The following SMARCC1 variants were observed in gnomAD, a reference collection of about 807,000 sequenced individuals.
The protein encoded by SMARCC1 is SWI/SNF related BAF chromatin remodeling complex subunit C1, also known as SWI/SNF complex subunit SMARCC1.
A neutral mutation model predicts 147.4 loss-of-function variants in SMARCC1; 43 were observed. That is an observed-to-expected ratio of 0.29 (90% CI 0.23 to 0.38). The LOEUF (loss-of-function observed/expected upper bound fraction) is 0.38. Among genes scored for constraint, SMARCC1 ranks in the 10% least tolerant of loss-of-function variants. The probability of loss-of-function intolerance (pLI) is 1.00; values close to 1 mark genes in which losing one functional copy is unlikely to be tolerated. For missense variants in SMARCC1, 1,119 were observed against 1,381.1 expected (o/e 0.81, Z 3.01); for synonymous variants, 495 against 484.4 (o/e 1.02, Z -0.29).
intron 10 of SMARCC1, among the ~76,000 whole-genome samples, chr3:47,704,333 G>A (rs1247064063): frequency 6.6e-6 from 1 of 152,094 alleles, no homozygotes; most frequent in Non-Finnish European, 1.5e-5. Context: ...ATAACTCTAA[G>A]GAGAAATGTA....
chr3:47,768,136 A>G (rs1014289819), intron 2 of SMARCC1, among the ~76,000 whole-genome samples: 1 of 152,150 alleles, frequency 6.6e-6, no homozygotes, highest in Non-Finnish European at 1.5e-5. Context: ...CATGCCCAGC[A>G]TAAACTCTTA....
At chr3:47,662,788 G>C (rs2033364700) in intron 19 of SMARCC1, among the ~76,000 whole-genome samples, 196 bp from the exon 20 acceptor site, 1 of 151,936 alleles carries the variant, frequency 6.6e-6, no homozygotes, top group South Asian at 2.1e-4. Flanking sequence ...TGTAAAGAAA[G>C]TAGTCCAGGC....
At chr3:47,696,960 C>T (rs558988458) in intron 11 of SMARCC1, among the ~76,000 whole-genome samples, 1 of 152,252 alleles carries the variant, frequency 6.6e-6, no homozygotes, top group South Asian at 2.1e-4. Context: ...TCCTTGGTTT[C>T]CAGCAATCCT....
chr3:47,728,944 T>C lies in SMARCC1; in HGVS notation c.646+81A>G, dbSNP rs1026306123. The C allele has an allele frequency of 1.2e-5, 10 of 859,160 alleles. No homozygotes were observed. In the Admixed American group the frequency reaches 2.1e-4, roughly 18 times the overall value. The allele number at this position is 859,160 out of a possible 1,614,324, so 53.2% of individuals were successfully genotyped here. A position where few individuals can be genotyped will look rare whatever the true frequency, so the allele number is the denominator to read the frequency against. ...AACAAATAAAAAGCTGGTTATTCTG[T>C]TTAAGTCTTTGGGGGTATGACATAA... is the stretch of plus-strand genomic sequence containing the variant. On this transcript the variant is annotated intron_variant, in intron 6 of 27. Transcript: ENST00000254480.
At chr3:47,691,324 A>G (rs748703157) in intron 12 of SMARCC1, among the ~76,000 whole-genome samples, 9 of 152,190 alleles carry the variant, frequency 5.9e-5, no homozygotes, top group Non-Finnish European at 8.8e-5. Flanking sequence ...AGTTAAAACA[A>G]CAGCTCTGGT....
At chr3:47,660,514 T>A (rs374141281) in intron 21 of SMARCC1, among the ~76,000 whole-genome samples, 3 of 150,540 alleles carry the variant, frequency 2.0e-5, no homozygotes, top group East Asian at 3.9e-4. Context: ...TAAATATAAT[T>A]GGGTATATCC....
intron 2 of SMARCC1, among the ~76,000 whole-genome samples, chr3:47,770,750 C>T (rs1405748402): frequency 1.3e-5 from 2 of 151,970 alleles, no homozygotes; most frequent in East Asian, 3.9e-4. Flanking sequence ...TCCTTTATAA[C>T]CTAGGAATGA....
intron 3 of SMARCC1, among the ~76,000 whole-genome samples, chr3:47,740,430 C>T (rs1052009206): frequency 1.3e-5 from 2 of 151,644 alleles, no homozygotes; most frequent in African/African-American, 4.8e-5. Context: ...CTCCTGACCT[C>T]GAGATCCACC....
chr3:47,610,330 G>GT lies in SMARCC1; in HGVS notation c.2782-4dup. ...AACTGCTGCCTCTGTTGTTCTAGCT[G>GT]TAAGCAAAGGAAGTGGAAGAGAAAT... On this transcript the variant is annotated splice_polypyrimidine_tract_variant and splice_region_variant and intron_variant, in intron 25 of 27. Transcript: ENST00000254480. 1 of 1,614,100 alleles carries GT rather than the reference G, an allele frequency of 6.2e-7. No individual in the cohort carries two copies. Among genetic ancestry groups the GT allele is most frequent in the Non-Finnish European group, 8.5e-7 (1 of 1,179,958 alleles).
intron 21 of SMARCC1, among the ~76,000 whole-genome samples, chr3:47,659,439 C>G (rs1374582734): frequency 6.6e-6 from 1 of 151,328 alleles, no homozygotes; most frequent in African/African-American, 2.4e-5. Flanking sequence ...ACTAGCAAAC[C>G]AAATCTGATA....
chr3:47,606,114 C>T (rs936983443), intron 26 of SMARCC1, among the ~76,000 whole-genome samples: 12 of 151,996 alleles, frequency 7.9e-5, no homozygotes, highest in African/African-American at 2.9e-4. Flanking sequence ...AAAAAAACCT[C>T]TCATCATGCA....
Position 47,585,378 on chromosome 3 carries a change from C to T in SMARCC1, c.*2831G>A, listed in dbSNP as rs1450628657. 2.0e-5 allele frequency: 3 copies of T among 152,224 alleles called. No homozygotes were observed. The highest frequency in any genetic ancestry group is 2.9e-5 in the Non-Finnish European group (2 of 68,046). 9.4% of individuals were successfully genotyped at this position (152,224 alleles called of 1,614,324 possible). ...TGGCTTTGGCTCTCTTTATTAGAGG[C>T]ACACCTTCGTGAAGAGCAGGGCGTT... On this transcript the variant is annotated 3_prime_UTR_variant, in exon 28 of 28. Coordinates refer to ENST00000254480, the MANE Select transcript of SMARCC1 (RefSeq NM_003074.4).
chr3:47,683,453 A>C (rs1009894216), intron 14 of SMARCC1, among the ~76,000 whole-genome samples: 7 of 152,332 alleles, frequency 4.6e-5, no homozygotes, highest in Admixed American at 4.6e-4. Flanking sequence ...ATATTCTTTT[A>C]AATTGTCTCC....
At chr3:47,633,381 G>A (rs145372924) in intron 24 of SMARCC1, among the ~76,000 whole-genome samples, 3 of 151,986 alleles carry the variant, frequency 2.0e-5, no homozygotes, top group Non-Finnish European at 4.4e-5. Context: ...AAAATGAGCC[G>A]AGGTTGCAGG....
rs1375442316 is a variant in SMARCC1 at position 47,673,403 on chromosome 3, G to A, written c.1839+2072C>T. ...TCTGTCTCAAAAAAAAAAGGGTGGG[G>A]GGGGGGCAGGCCAGTGGCTCAGGCC... is the stretch of plus-strand genomic sequence containing the variant. On this transcript the variant is annotated intron_variant, in intron 18 of 27. Coordinates refer to ENST00000254480, the MANE Select transcript of SMARCC1 (RefSeq NM_003074.4). 7.5e-5 allele frequency among the ~76,000 whole-genome samples: 10 copies of A among 133,920 alleles called. 2 individuals are homozygous for A. Among genetic ancestry groups the A allele is most frequent in the Non-Finnish European group, 1.2e-4 (7 of 59,922 alleles). The allele number at this position is 133,920 out of a possible 152,430, so 87.9% of individuals were successfully genotyped here.
At chr3:47,736,264 G>C (rs982954655) in intron 4 of SMARCC1, 138 bp from the exon 5 acceptor site, 2 of 550,204 alleles carry the variant, frequency 3.6e-6, no homozygotes, top group African/African-American at 4.0e-5. Flanking sequence ...AAGAAATTCA[G>C]CAACTTTTTC....
At chr3:47,645,461 C>T (rs1426600846) in intron 21 of SMARCC1, among the ~76,000 whole-genome samples, 1 of 152,178 alleles carries the variant, frequency 6.6e-6, no homozygotes, top group Non-Finnish European at 1.5e-5. Context: ...AGGAGGATGG[C>T]TTGGGCCTAA....
chr3:47,772,966 T>G (rs375930874), intron 1 of SMARCC1, 30 bp from the exon 2 acceptor site: 3 of 1,600,610 alleles, frequency 1.9e-6, no homozygotes, highest in African/African-American at 1.3e-5. Flanking sequence ...ATTCAAAAAC[T>G]AGTACAATTT....
chr3:47,596,459 T>G (rs1396713203), intron 26 of SMARCC1, among the ~76,000 whole-genome samples: 2 of 151,526 alleles, frequency 1.3e-5, no homozygotes, highest in African/African-American at 2.4e-5. Context: ...TCCTAGCTAC[T>G]CGGGAGGCTG....
Sources: allele counts gnomAD v4.1 joint callset (sites outside exome capture counted in the v4.1 genomes callset), GRCh38; gene constraint gnomAD v4.1.1; transcripts MANE v1.5; gene names NCBI Gene and HGNC (gene_info 2026-07-23, HGNC 2026-07-21).